The following ASIC2 variants were observed in gnomAD, a reference collection of about 807,000 sequenced individuals.
ASIC2 encodes the protein acid-sensing ion channel 2.
ASIC2 carries 25 observed loss-of-function variants against 57.3 expected under a neutral mutation model. That is an observed-to-expected ratio of 0.44 (90% CI 0.32 to 0.61). The LOEUF (loss-of-function observed/expected upper bound fraction) is 0.61, where lower values mean the gene tolerates loss of function less well. ASIC2 is among the 20% of genes least tolerant of loss of function. The probability of loss-of-function intolerance (pLI) is 0.06; values close to 1 mark genes in which losing one functional copy is unlikely to be tolerated. For missense variants in ASIC2, 641 were observed against 738.1 expected (o/e 0.87, Z 1.52); for synonymous variants, 319 against 307.5 (o/e 1.04, Z -0.39).
At chr17:33,408,137 C>G (rs553842621) in intron 1 of ASIC2, among the ~76,000 whole-genome samples, 1 of 152,318 alleles carries the variant, frequency 6.6e-6, no homozygotes, top group South Asian at 2.1e-4. Flanking sequence ...GTTTGACATG[C>G]AGGAGATGCT....
At chr17:34,059,856 T>A (rs1380885738) in intron 1 of ASIC2, among the ~76,000 whole-genome samples, 1 of 152,070 alleles carries the variant, frequency 6.6e-6, no homozygotes, top group Non-Finnish European at 1.5e-5. Flanking sequence ...CAAGGAGAGT[T>A]TGAGATCAGA....
chr17:33,028,081 C>T (rs1351317181), intron 4 of ASIC2, among the ~76,000 whole-genome samples, 161 bp downstream of exon 4: 1 of 152,230 alleles, frequency 6.6e-6, no homozygotes, highest in Non-Finnish European at 1.5e-5. Context: ...CAGAAGTTTC[C>T]ACCTGCCCTC....
intron 2 of ASIC2, among the ~76,000 whole-genome samples, chr17:33,101,153 C>A (rs1688665378): frequency 6.6e-6 from 1 of 152,092 alleles, no homozygotes; most frequent in Non-Finnish European, 1.5e-5. Flanking sequence ...CTGGGGAGCT[C>A]CTTAGGACCT....
chr17:33,104,977 G>A (rs1567746460), intron 2 of ASIC2, among the ~76,000 whole-genome samples: 1 of 152,130 alleles, frequency 6.6e-6, no homozygotes, highest in African/African-American at 2.4e-5. Context: ...CACTAATGCA[G>A]GCTTCTCCCT....
At chr17:33,975,868 G>A (rs1905367540) in intron 1 of ASIC2, among the ~76,000 whole-genome samples, 1 of 151,966 alleles carries the variant, frequency 6.6e-6, no homozygotes, top group Non-Finnish European at 1.5e-5. Context: ...GGGCTTCTCA[G>A]CCTACATTTA....
At chr17:33,835,897 C>T (rs916271635) in intron 1 of ASIC2, among the ~76,000 whole-genome samples, 2 of 151,288 alleles carry the variant, frequency 1.3e-5, no homozygotes, top group Non-Finnish European at 2.9e-5. Flanking sequence ...ATCCACCTGC[C>T]TCAGGCTCCC....
At chr17:33,291,076 T>C (rs749681183) in intron 1 of ASIC2, 8 of 313,610 alleles carry the variant, frequency 2.6e-5, no homozygotes, top group African/African-American at 4.4e-5. Context: ...CCTGAGGGCC[T>C]GGAGTTGAGG....
At chr17:33,236,170 G>A (rs1474133177) in intron 1 of ASIC2, among the ~76,000 whole-genome samples, 2 of 152,058 alleles carry the variant, frequency 1.3e-5, no homozygotes, top group Non-Finnish European at 2.9e-5. Context: ...GCTAGAATGG[G>A]TTAAGACTTC....
chr17:33,736,889 G>A (rs1035157192), intron 1 of ASIC2, among the ~76,000 whole-genome samples: 1 of 152,192 alleles, frequency 6.6e-6, no homozygotes, highest in Non-Finnish European at 1.5e-5. Flanking sequence ...CATGTTTTTG[G>A]CCAATTGCAT....
chr17:33,764,173 C>T (rs1443030931), intron 1 of ASIC2, among the ~76,000 whole-genome samples: 1 of 152,006 alleles, frequency 6.6e-6, no homozygotes, highest in South Asian at 2.1e-4. Context: ...AAAATTTAGC[C>T]AGGCATGGTG....
intron 1 of ASIC2, among the ~76,000 whole-genome samples, chr17:34,130,918 G>T (rs1911933896): frequency 1.3e-5 from 2 of 152,214 alleles, no homozygotes; most frequent in South Asian, 4.1e-4. Flanking sequence ...TTATTCAATG[G>T]ACAGAGAACA....
intron 1 of ASIC2, among the ~76,000 whole-genome samples, chr17:33,861,597 A>G (rs1457885880): frequency 6.6e-6 from 1 of 152,192 alleles, no homozygotes; most frequent in East Asian, 1.9e-4. Context: ...AATTTTCTTT[A>G]TGTCTGACAC....
chr17:33,020,363 T>C (rs895823627), intron 7 of ASIC2, among the ~76,000 whole-genome samples: 1 of 152,202 alleles, frequency 6.6e-6, no homozygotes, highest in African/African-American at 2.4e-5. Context: ...CATATTCTCA[T>C]AGCTGGTGTG....
At chr17:33,061,281 T>A (rs2092019600) in intron 3 of ASIC2, among the ~76,000 whole-genome samples, 1 of 152,222 alleles carries the variant, frequency 6.6e-6, no homozygotes, top group African/African-American at 2.4e-5. Flanking sequence ...CCATTCAGTA[T>A]GATATTGGCT....
At chr17:33,852,999 T>C (rs528332893) in intron 1 of ASIC2, among the ~76,000 whole-genome samples, 66 of 152,212 alleles carry the variant, frequency 4.3e-4, no homozygotes, top group African/African-American at 1.4e-3. Flanking sequence ...CCCCCCGTCA[T>C]AGACAGTTAA....
At chr17:34,106,831 G>T (rs952432779) in intron 1 of ASIC2, among the ~76,000 whole-genome samples, 1 of 152,042 alleles carries the variant, frequency 6.6e-6, no homozygotes, top group Non-Finnish European at 1.5e-5. Context: ...TCCAGCCCTG[G>T]AATATGAAAA....
At chr17:33,376,008 T>C (rs1158162288) in intron 1 of ASIC2, among the ~76,000 whole-genome samples, 2 of 152,174 alleles carry the variant, frequency 1.3e-5, no homozygotes. Flanking sequence ...AATAGGCAGT[T>C]AAGTTTATGA....
chr17:33,427,954 G>A (rs1404280243), intron 1 of ASIC2, among the ~76,000 whole-genome samples: 2 of 152,194 alleles, frequency 1.3e-5, no homozygotes, highest in Non-Finnish European at 2.9e-5. Flanking sequence ...AAAGCCAGCA[G>A]CCATGTTGTC....
chr17:33,459,573 G>A (rs955298097), intron 1 of ASIC2, among the ~76,000 whole-genome samples: 2 of 152,248 alleles, frequency 1.3e-5, no homozygotes, highest in Non-Finnish European at 2.9e-5. Flanking sequence ...TCGAGGCAAA[G>A]AGAGATAAAA....
Sources: gnomAD v4.1 joint callset for allele counts (sites outside exome capture counted in the v4.1 genomes callset) on GRCh38, gnomAD v4.1.1 for gene constraint, MANE v1.5 for transcripts, NCBI Gene and HGNC (gene_info 2026-07-23, HGNC 2026-07-21) for gene names.